Variants in AJAP1 observed in about 807,000 individuals in gnomAD.
The protein encoded by AJAP1 is adherens junctions associated protein 1, also known as adherens junction-associated protein 1.
A neutral mutation model predicts 35.0 loss-of-function variants in AJAP1; 5 were observed. The ratio of observed to expected loss-of-function variants is 0.14; its 90% CI spans 0.07 to 0.30. AJAP1 has a LOEUF of 0.30. AJAP1 is among the 10% of genes least tolerant of loss of function. The probability of loss-of-function intolerance (pLI) is 1.00; values close to 1 mark genes in which losing one functional copy is unlikely to be tolerated. For synonymous variants in AJAP1, 284 were observed against 249.3 expected, an observed-to-expected ratio of 1.14 and a Z score of -1.31; for missense variants, 586 against 571.0, an observed-to-expected ratio of 1.03 and a Z score of -0.27.
chr1:4,685,631 A>C (rs1557608262), intron 1 of AJAP1, among the ~76,000 whole-genome samples: 1 of 140,924 alleles, frequency 7.1e-6, no homozygotes, highest in Non-Finnish European at 1.5e-5. Context: ...GGAGGAGCTC[A>C]TTGCCGGGAC....
At chr1:4,746,456 T>A (rs1641190515) in intron 2 of AJAP1, among the ~76,000 whole-genome samples, 1 of 151,926 alleles carries the variant, frequency 6.6e-6, no homozygotes, top group South Asian at 2.1e-4. Flanking sequence ...TCGCCCACCT[T>A]GTGAGATGAT....
At chr1:4,694,492 T>G (rs1170036963) in intron 1 of AJAP1, among the ~76,000 whole-genome samples, 1 of 152,226 alleles carries the variant, frequency 6.6e-6, no homozygotes, top group Non-Finnish European at 1.5e-5. Context: ...GACGCCCTGG[T>G]CAGGGGGACA....
rs1642196576 is a variant in AJAP1 at position 4,788,036 on chromosome 1, C to G, written c.*5551C>G. On this transcript the variant is annotated 3_prime_UTR_variant, in exon 6 of 6. Coordinates refer to ENST00000378191, the MANE Select transcript of AJAP1 (RefSeq NM_018836.4). ...TGTTTTCTAGTGTAAATAGCACAGC[C>G]CACATAAATGAGCGAAACTCATCAT... The G allele has an allele frequency of 3.7e-6, 1 of 272,354 alleles. No homozygotes were observed. 16.9% of individuals were successfully genotyped at this position (272,354 alleles called of 1,614,324 possible).
chr1:4,697,822 G>A (rs868362834), intron 1 of AJAP1, among the ~76,000 whole-genome samples: 9 of 152,354 alleles, frequency 5.9e-5, no homozygotes, highest in South Asian at 4.1e-4. Flanking sequence ...AAGATGCAGC[G>A]GCCACTAATG....
chr1:4,674,214 C>T (rs968306436), intron 1 of AJAP1, among the ~76,000 whole-genome samples: 1 of 152,160 alleles, frequency 6.6e-6, no homozygotes, highest in African/African-American at 2.4e-5. Flanking sequence ...GGAGGCTTCA[C>T]TGAGCTCTAG....
At chr1:4,700,649 C>G (rs72638820) in intron 1 of AJAP1, among the ~76,000 whole-genome samples, 2 of 152,144 alleles carry the variant, frequency 1.3e-5, no homozygotes, top group African/African-American at 4.8e-5. Flanking sequence ...TAGGGCTTGG[C>G]GCTGGGATGG....
In AJAP1 at chr1:4,712,432, G is replaced by T. The variant is rs1479056650; in HGVS notation, c.562G>T (p.Asp188Tyr). The T allele has an allele frequency of 6.2e-7, 1 of 1,605,270 alleles. No individual in the cohort carries two copies. Among genetic ancestry groups the T allele is most frequent in the South Asian group, 1.1e-5 (1 of 89,374 alleles). ...GTTCATCGCCTGGGGGCCCACGGGG[G>T]ACGAGGAGGCCCTGGAGTCCAACAC... The part of the protein sequence containing the change: ...TEFIAWGPTG[D>Y]EEALESNTFP... The change falls in exon 2 of 6, where the codon GAC becomes TAC. Residue 188 changes from aspartate (D) to tyrosine (Y), a missense_variant. Transcript: ENST00000378191.
In AJAP1 at chr1:4,734,968, C is replaced by G. The variant is rs970022925; in HGVS notation, c.829+22269C>G. ...TCCGTCCATCGCCTGCAAGCTGAGC[C>G]GCGTGATGGAGCTCAGCCTGCAGCA... On this transcript the variant is annotated intron_variant, in intron 2 of 5. Coordinates refer to ENST00000378191, the MANE Select transcript of AJAP1 (RefSeq NM_018836.4). This position sits in a 1 kb window ranked among gnomAD's most constrained non-coding sequence, Gnocchi z 4.3. 1.3e-5 allele frequency among the ~76,000 whole-genome samples: 2 copies of G among 152,200 alleles called. No homozygotes were observed. Among genetic ancestry groups the G allele is most frequent in the Non-Finnish European group, 2.9e-5 (2 of 68,042 alleles).
At chr1:4,708,570 C>G (rs1480923189) in intron 1 of AJAP1, among the ~76,000 whole-genome samples, 1 of 152,248 alleles carries the variant, frequency 6.6e-6, no homozygotes, top group East Asian at 1.9e-4. Context: ...TGCCTCATCT[C>G]AGAGCCGCCC....
rs768267131 is a variant in AJAP1, at chr1:4,712,193, C to T, written c.323C>T (p.Ala108Val). Residue 108 changes from alanine (A) to valine (V), a missense_variant, in exon 2 of 6, where the codon GCG becomes GTG. Physicochemically the swap from Ala to Val is moderately conservative, Grantham distance 64. Transcript: ENST00000378191. The stretch of plus-strand genomic sequence containing the variant: ...CGGGCCCACAGGCCCCGGGACCAGG[C>T]GGCCGCCCTCGTGCCCAAGGCAGGA... Reference protein sequence around the residue: ...ARRAHRPRDQAAALVPKAGLA... With the variant: ...ARRAHRPRDQVAALVPKAGLA... 6.4e-7 allele frequency: 1 copy of T among 1,562,400 alleles called. No homozygotes were observed. The highest frequency in any genetic ancestry group is 1.9e-5 in the Admixed American group (1 of 53,362).
intron 2 of AJAP1, among the ~76,000 whole-genome samples, chr1:4,742,768 T>C (rs1340921464): frequency 6.6e-6 from 1 of 152,190 alleles, no homozygotes; most frequent in Non-Finnish European, 1.5e-5. Context: ...TCCCCCACCC[T>C]AGCCCAGGTA....
At chr1:4,739,793 T>TCACTTCAA (rs1170259655) in intron 2 of AJAP1, among the ~76,000 whole-genome samples, 2 of 152,200 alleles carry the variant, frequency 1.3e-5, no homozygotes, top group Non-Finnish European at 2.9e-5. Context: ...GTGGCGGCCC[T>TCACTTCAA]CACTTCAACG....
intron 2 of AJAP1, among the ~76,000 whole-genome samples, chr1:4,768,588 G>A (rs918294227): frequency 2.0e-5 from 3 of 152,258 alleles, no homozygotes; most frequent in African/African-American, 7.2e-5. Flanking sequence ...CACCCCAGCA[G>A]CCCAAGAGGT....
At position 4,712,390 on chromosome 1, in the gene AJAP1, C is replaced by G; in HGVS notation, c.520C>G (p.Pro174Ala). Residue 174 changes from proline to alanine, a missense_variant, in exon 2 of 6, where the codon CCC (proline) becomes GCC (alanine). Pro to Ala is a conservative substitution (Grantham distance 27). Coordinates refer to ENST00000378191, the MANE Select transcript of AJAP1 (RefSeq NM_018836.4). ...CAGCTTCGACTCCAGAGGCAGCCGG[C>G]CCACCACAGAGACTGAGTTCATCGC... ...LSSFDSRGSR[P>A]TTETEFIAWG... The G allele has an allele frequency of 6.4e-7, 1 of 1,564,474 alleles. No homozygotes were observed. The highest frequency in any genetic ancestry group is 1.4e-5 in the African/African-American group (1 of 73,832).
chr1:4,724,556 G>C (rs1640606226), intron 2 of AJAP1, among the ~76,000 whole-genome samples: 1 of 152,056 alleles, frequency 6.6e-6, no homozygotes, highest in Admixed American at 6.5e-5. Flanking sequence ...CTCCTCCCCA[G>C]CCCCTCGCCA....
At chr1:4,705,061 T>C (rs1409703501) in intron 1 of AJAP1, among the ~76,000 whole-genome samples, 1 of 152,138 alleles carries the variant, frequency 6.6e-6, no homozygotes, top group Non-Finnish European at 1.5e-5. Context: ...ATATTAGCCC[T>C]TTGTCAGATA....
At chr1:4,751,103 G>A (rs886894116) in intron 2 of AJAP1, among the ~76,000 whole-genome samples, 5 of 151,916 alleles carry the variant, frequency 3.3e-5, no homozygotes, top group South Asian at 4.2e-4. Flanking sequence ...AGTGCCTCTC[G>A]CTCCCCTGGC....
intron 1 of AJAP1, among the ~76,000 whole-genome samples, chr1:4,678,828 A>G (rs2100525448): frequency 6.6e-6 from 1 of 152,258 alleles, no homozygotes; most frequent in Admixed American, 6.5e-5. Context: ...GCAGTTCCAA[A>G]TAATCACTAA....
intron 1 of AJAP1, among the ~76,000 whole-genome samples, chr1:4,696,435 G>A (rs1449611490): frequency 1.3e-5 from 2 of 152,186 alleles, no homozygotes; most frequent in Non-Finnish European, 1.5e-5. Context: ...TGGGCTGCCT[G>A]GCTGCCCTGG....
Sources: gnomAD v4.1 joint callset for allele counts (sites outside exome capture counted in the v4.1 genomes callset) on GRCh38, gnomAD v4.1.1 for gene constraint, Gnocchi (gnomAD v3.1) non-coding constraint, MANE v1.5 for transcripts, NCBI Gene and HGNC (gene_info 2026-07-23, HGNC 2026-07-21) for gene names.